Variants in AKAP13 observed in about 807,000 individuals in gnomAD.
The protein encoded by AKAP13 is A-kinase anchoring protein 13.
Under a neutral mutation model 264.5 loss-of-function variants are expected in AKAP13, and 80 were observed. The ratio of observed to expected loss-of-function variants is 0.30; its 90% CI spans 0.25 to 0.36. The LOEUF (loss-of-function observed/expected upper bound fraction) is 0.36. Among genes scored for constraint, AKAP13 ranks in the 10% least tolerant of loss-of-function variants. The pLI is 1.00. For synonymous variants in AKAP13, 1,380 were observed against 1,250.2 expected (o/e 1.10, Z -2.19); for missense variants, 3,712 against 3,435.2 (o/e 1.08, Z -2.01).
chr15:85,729,444 G>A (rs2087832485), intron 29 of AKAP13, among the ~76,000 whole-genome samples: 1 of 152,322 alleles, frequency 6.6e-6, no homozygotes, highest in South Asian at 2.1e-4. Context: ...CTAAAGGGAG[G>A]AGGTAGTGGG....
chr15:85,518,537 C>CA (rs1229465927), intron 2 of AKAP13, among the ~76,000 whole-genome samples: 2 of 152,084 alleles, frequency 1.3e-5, no homozygotes, highest in East Asian at 3.8e-4. Flanking sequence ...AACAAAACAA[C>CA]AAAAAAACTA....
At chr15:85,603,308 G>A (rs2080175467) in intron 8 of AKAP13, among the ~76,000 whole-genome samples, 1 of 152,246 alleles carries the variant, frequency 6.6e-6, no homozygotes, top group Admixed American at 6.5e-5. Context: ...TCAGAGTATG[G>A]CAGTGAAGAC....
chr15:85,736,436 T>A (rs1259144387), intron 33 of AKAP13, among the ~76,000 whole-genome samples: 4 of 149,340 alleles, frequency 2.7e-5, no homozygotes, highest in African/African-American at 1.0e-4. Context: ...TTTGTTTGTT[T>A]GTTTGTTTGT....
intron 8 of AKAP13, among the ~76,000 whole-genome samples, chr15:85,613,691 A>AAAAATATATATATATATATAT (rs1313187436): frequency 2.2e-5 from 2 of 91,966 alleles, no homozygotes; most frequent in Non-Finnish European, 2.2e-5. Flanking sequence ...AAAAAAAAAA[A>AAAAATATATATATATATATAT]ATATATATAT....
intron 17 of AKAP13, among the ~76,000 whole-genome samples, chr15:85,707,300 G>A (rs1171126544): frequency 1.3e-5 from 2 of 152,224 alleles, no homozygotes; most frequent in African/African-American, 4.8e-5. Flanking sequence ...TAGGCCAAGG[G>A]AGTGAAAAGT....
intron 2 of AKAP13, chr15:85,520,783 C>G: frequency 2.0e-6 from 1 of 502,786 alleles, no homozygotes; most frequent in Non-Finnish European, 3.9e-6. Flanking sequence ...TATGGGGATA[C>G]GTTCTGAGAA....
chr15:85,576,990 A>G (rs1486067794), intron 6 of AKAP13, among the ~76,000 whole-genome samples: 3 of 152,218 alleles, frequency 2.0e-5, no homozygotes, highest in African/African-American at 7.2e-5. Context: ...AATGTTTACC[A>G]TTTATTAAAT....
intron 14 of AKAP13, among the ~76,000 whole-genome samples, chr15:85,674,575 A>G (rs945876639): frequency 6.6e-6 from 1 of 152,150 alleles, no homozygotes; most frequent in African/African-American, 2.4e-5. Flanking sequence ...AAGTTTCTTA[A>G]GCATGTTGTG....
In AKAP13 at chr15:85,718,547, C is replaced by A. The variant is rs1038248409; in HGVS notation, c.6001+388C>A. 6.6e-6 allele frequency among the ~76,000 whole-genome samples: 1 copy of A among 152,114 alleles called. No homozygotes were observed. The highest frequency in any genetic ancestry group is 1.5e-5 in the Non-Finnish European group (1 of 68,036). On this transcript the variant is annotated intron_variant, in intron 22 of 36. Coordinates refer to ENST00000394518, the MANE Select transcript of AKAP13 (RefSeq NM_007200.5). The surrounding 1 kb of genome is among the most constrained non-coding windows in gnomAD (Gnocchi z 4.9). ...CCTCTTTGGAAGTCATAATTTAAGACTGATGGAATCCGGGGTACCTATTAT... is the reference window on the plus strand; with the variant it reads ...CCTCTTTGGAAGTCATAATTTAAGAATGATGGAATCCGGGGTACCTATTAT...
intron 30 of AKAP13, among the ~76,000 whole-genome samples, chr15:85,731,461 C>A (rs530388576): frequency 9.2e-5 from 14 of 152,114 alleles, no homozygotes; most frequent in African/African-American, 2.6e-4. Context: ...TTTGAACAAT[C>A]TGAGCTTTTT....
At chr15:85,665,410 C>T (rs948944143) in intron 13 of AKAP13, among the ~76,000 whole-genome samples, 9 of 152,158 alleles carry the variant, frequency 5.9e-5, no homozygotes, top group Non-Finnish European at 1.3e-4. Context: ...TTCTCTAAAA[C>T]ATATCCCAAG....
At chr15:85,624,995 G>A (rs1215877192) in intron 8 of AKAP13, among the ~76,000 whole-genome samples, 1 of 152,180 alleles carries the variant, frequency 6.6e-6, no homozygotes, top group Non-Finnish European at 1.5e-5. Flanking sequence ...TTGAATACCT[G>A]CGGTGTCCAT....
At chr15:85,385,185 A>G (rs988511344) in intron 1 of AKAP13, among the ~76,000 whole-genome samples, 5 of 152,336 alleles carry the variant, frequency 3.3e-5, no homozygotes, top group Admixed American at 6.5e-5. Context: ...CCCTTTTTCT[A>G]CATAACCAAC....
intron 18 of AKAP13, among the ~76,000 whole-genome samples, chr15:85,709,661 TTTTA>T (rs2086518752): frequency 4.9e-5 from 2 of 40,586 alleles, no homozygotes; most frequent in East Asian, 8.9e-4. Context: ...AAAGGGGGAA[TTTTA>T]TTTTATTTTA....
In AKAP13 at chr15:85,581,865, C is replaced by A. The variant is rs1471311870; in HGVS notation, c.3797C>A (p.Ala1266Asp). 1 of 1,614,192 alleles carries A rather than the reference C, an allele frequency of 6.2e-7. No homozygotes were observed. Among genetic ancestry groups the A allele is most frequent in the South Asian group, 1.1e-5 (1 of 91,084 alleles). The change falls in exon 7 of 37, where the codon GCT becomes GAT. Residue 1266 changes from alanine (A) to aspartate (D), a missense_variant. By Grantham distance (126) the Ala-to-Asp change is moderately radical. Coordinates refer to ENST00000394518, the MANE Select transcript of AKAP13 (RefSeq NM_007200.5). ...VDAVIEQVKA[A>D]GALLTEGEAC... ...GCTGTCATCGAACAAGTCAAGGCCG[C>A]TGGAGCACTGCTTACTGAGGGGGAG...
At chr15:85,744,586 G>C (rs2089312605) in intron 36 of AKAP13, 42 bp from the exon 37 acceptor site, 1 of 1,609,128 alleles carries the variant, frequency 6.2e-7, no homozygotes, top group Non-Finnish European at 8.5e-7. Flanking sequence ...GAAAGGAGCA[G>C]TTTTTCTGAA....
chr15:85,671,535 A>T (rs1386127037), intron 14 of AKAP13, among the ~76,000 whole-genome samples: 1 of 152,002 alleles, frequency 6.6e-6, no homozygotes, highest in Non-Finnish European at 1.5e-5. Context: ...TTCAAATACA[A>T]ATCTAGCGTA....
chr15:85,509,167 C>T (rs755169699), intron 2 of AKAP13, among the ~76,000 whole-genome samples: 33 of 152,208 alleles, frequency 2.2e-4, no homozygotes, highest in Middle Eastern at 3.4e-3. Context: ...ATTCATTTTG[C>T]TGACAAAATG....
At chr15:85,425,132 T>A (rs1328934011) in intron 1 of AKAP13, among the ~76,000 whole-genome samples, 1 of 152,192 alleles carries the variant, frequency 6.6e-6, no homozygotes, top group Non-Finnish European at 1.5e-5. Context: ...ACATGTGTTT[T>A]GGAAAAATGG....
Sources: gnomAD v4.1 joint callset for allele counts (sites outside exome capture counted in the v4.1 genomes callset) on GRCh38, gnomAD v4.1.1 for gene constraint, Gnocchi (gnomAD v3.1) non-coding constraint, MANE v1.5 for transcripts, NCBI Gene and HGNC (gene_info 2026-07-23, HGNC 2026-07-21) for gene names.